The following STIM2 variants were observed in gnomAD, a reference collection of about 807,000 sequenced individuals.
STIM2 encodes the protein stromal interaction molecule 2.
Under a neutral mutation model 85.8 loss-of-function variants are expected in STIM2, and 31 were observed. That is an observed-to-expected ratio of 0.36 (90% CI 0.27 to 0.49). STIM2 has a LOEUF of 0.49. Among genes scored for constraint, STIM2 ranks in the 20% least tolerant of loss-of-function variants. The pLI is 0.98. For synonymous variants in STIM2, 356 were observed against 331.1 expected (o/e 1.08, Z -0.82); for missense variants, 841 against 927.6 (o/e 0.91, Z 1.21).
intron 3 of STIM2, among the ~76,000 whole-genome samples, chr4:26,981,539 T>C (rs1031006081): frequency 6.6e-6 from 1 of 152,168 alleles, no homozygotes; most frequent in Non-Finnish European, 1.5e-5. Context: ...CCATATACAC[T>C]GTGTCTAGAT....
chr4:27,020,996 A>G (rs1191541127), intron 11 of STIM2: 1 of 1,536,656 alleles, frequency 6.5e-7, no homozygotes, highest in Non-Finnish European at 8.7e-7. Context: ...TCATGGAGTG[A>G]ACAGTATTCA....
At chr4:26,864,831 T>C (rs941979235) in intron 1 of STIM2, among the ~76,000 whole-genome samples, 1 of 152,168 alleles carries the variant, frequency 6.6e-6, no homozygotes, top group East Asian at 1.9e-4. Context: ...ACATCTGTGT[T>C]GTGGGGCTTT....
At chr4:26,933,476 A>G (rs1415790091) in intron 2 of STIM2, among the ~76,000 whole-genome samples, 1 of 152,246 alleles carries the variant, frequency 6.6e-6, no homozygotes. Context: ...TGTTGAATCA[A>G]TTAGCATTTC....
intron 1 of STIM2, among the ~76,000 whole-genome samples, chr4:26,900,572 A>G (rs1723882144): frequency 1.3e-5 from 2 of 152,160 alleles, no homozygotes; most frequent in Non-Finnish European, 2.9e-5. Flanking sequence ...CTAGAAATTC[A>G]GTTGAAATTT....
intron 1 of STIM2, among the ~76,000 whole-genome samples, chr4:26,908,808 G>A (rs1724225765): frequency 6.6e-6 from 1 of 152,148 alleles, no homozygotes; most frequent in African/African-American, 2.4e-5. Context: ...ATATAATACA[G>A]TAAATGCTCT....
chr4:26,890,724 TG>T (rs1271491769), intron 1 of STIM2, among the ~76,000 whole-genome samples: 1 of 147,618 alleles, frequency 6.8e-6, no homozygotes, highest in Admixed American at 6.9e-5. Context: ...CTTGGGAGGC[TG>T]AGGCAGGAGA....
chr4:26,882,454 T>TTTCC (rs1553844658), intron 1 of STIM2, among the ~76,000 whole-genome samples: 1 of 149,670 alleles, frequency 6.7e-6, no homozygotes, highest in Admixed American at 6.6e-5. Context: ...TCTTTCTTTC[T>TTTCC]TTTTTTTTGT....
chr4:26,873,272 GC>G (rs763200544), intron 1 of STIM2, among the ~76,000 whole-genome samples: 1 of 152,126 alleles, frequency 6.6e-6, no homozygotes, highest in Non-Finnish European at 1.5e-5. Flanking sequence ...GATGGTGAGT[GC>G]CTGTAATCCC....
intron 1 of STIM2, among the ~76,000 whole-genome samples, chr4:26,909,985 A>G (rs533356108): frequency 6.6e-6 from 1 of 152,248 alleles, no homozygotes; most frequent in Non-Finnish European, 1.5e-5. Flanking sequence ...ATCTTTGGAG[A>G]GAAGTTGAAA....
intron 11 of STIM2, among the ~76,000 whole-genome samples, chr4:27,019,010 A>G (rs1470168268): frequency 3.9e-5 from 6 of 152,108 alleles, no homozygotes; most frequent in Admixed American, 3.9e-4. Flanking sequence ...GTCCAACTTA[A>G]TGACATCAGT....
chr4:27,008,063 T>A, intron 8 of STIM2: 1 of 699,884 alleles, frequency 1.4e-6, no homozygotes, highest in South Asian at 1.6e-5. Flanking sequence ...TGAGAATAAG[T>A]CTTAATCTGA....
At chr4:27,012,526 A>T (rs1178419781) in intron 10 of STIM2, among the ~76,000 whole-genome samples, 1 of 152,078 alleles carries the variant, frequency 6.6e-6, no homozygotes, top group African/African-American at 2.4e-5. Context: ...TGTATTTCAG[A>T]TTGCTTGTTG....
intron 3 of STIM2, among the ~76,000 whole-genome samples, chr4:26,982,973 G>A (rs758203437): frequency 2.0e-5 from 3 of 152,138 alleles, no homozygotes; most frequent in Non-Finnish European, 1.5e-5. Context: ...CTGACCCCAC[G>A]GGCTGCTACC....
intron 2 of STIM2, among the ~76,000 whole-genome samples, chr4:26,939,377 T>C (rs949001689): frequency 5.9e-5 from 9 of 152,174 alleles, no homozygotes; most frequent in East Asian, 1.9e-4. Context: ...TGGCCTGATA[T>C]TGTTCTTGAC....
intron 4 of STIM2, among the ~76,000 whole-genome samples, chr4:26,996,590 CAT>C (rs1577486461): frequency 6.6e-6 from 1 of 151,996 alleles, no homozygotes; most frequent in Admixed American, 6.6e-5. Flanking sequence ...TTATTATACA[CAT>C]GACTAGAATG....
chr4:26,903,131 T>G (rs888032624), intron 1 of STIM2, among the ~76,000 whole-genome samples: 1 of 152,100 alleles, frequency 6.6e-6, no homozygotes, highest in Non-Finnish European at 1.5e-5. Flanking sequence ...GTAAAAAAGT[T>G]TTTTTTGGCC....
intron 1 of STIM2, among the ~76,000 whole-genome samples, chr4:26,890,563 G>C (rs564165627): frequency 2.6e-5 from 4 of 152,108 alleles, no homozygotes; most frequent in Non-Finnish European, 4.4e-5. Context: ...GGTGGCTCAC[G>C]CCTGTAATCC....
Position 26,920,849 on chromosome 4 carries a change from T to G in STIM2, c.282+1215T>G, listed in dbSNP as rs141981153. On this transcript the variant is annotated intron_variant, in intron 2 of 11. Transcript: ENST00000467087. The stretch of plus-strand genomic sequence containing the variant: ...AAAATCTCAGTTTTGCTATTTTAAA[T>G]CTCTTGTTGTTCAGTTGCACCTCTG... Among the ~76,000 whole-genome samples, 388 of 152,330 alleles carry G rather than the reference T, an allele frequency of 2.5e-3. 2 individuals carry two copies. Among genetic ancestry groups the G allele is most frequent in the African/African-American group, 8.7e-3 (361 of 41,574 alleles).
At position 26,885,483 on chromosome 4, in the gene STIM2, C is replaced by A. The variant is rs144017050; in HGVS notation, c.151+24114C>A. Reference sequence around the variant, plus strand: ...AGTCATCAGCATATGATTGTATCAGCTTATTTACTGGACAGCTGTCATTTT... The same window carrying A: ...AGTCATCAGCATATGATTGTATCAGATTATTTACTGGACAGCTGTCATTTT... On this transcript the variant is annotated intron_variant, in intron 1 of 11. Transcript: ENST00000467087. 6.0e-3 allele frequency among the ~76,000 whole-genome samples: 916 copies of A among 152,078 alleles called. 6 individuals are homozygous for A. The highest frequency in any genetic ancestry group is 0.012 in the Admixed American group (180 of 15,264).
Sources: allele counts gnomAD v4.1 joint callset (sites outside exome capture counted in the v4.1 genomes callset), GRCh38; gene constraint gnomAD v4.1.1; transcripts MANE v1.5; gene names NCBI Gene and HGNC (gene_info 2026-07-23, HGNC 2026-07-21).